The following BAZ1B variants were observed in gnomAD, a reference collection of about 807,000 sequenced individuals.
The protein encoded by BAZ1B is tyrosine-protein kinase BAZ1B.
Under a neutral mutation model 153.8 loss-of-function variants are expected in BAZ1B, and 22 were observed. That is an observed-to-expected ratio of 0.14 (90% confidence interval 0.10 to 0.20). BAZ1B has a LOEUF of 0.20. BAZ1B is among the 10% of genes least tolerant of loss of function. The pLI, the probability that BAZ1B is intolerant of heterozygous loss-of-function variation, is 1.00. For synonymous variants in BAZ1B, 676 were observed against 633.4 expected, an observed-to-expected ratio of 1.07 and a Z score of -1.01; for missense variants, 1,325 against 1,799.3, an observed-to-expected ratio of 0.74 and a Z score of 4.77.
chr7:73,462,828 G>GT (rs1422063667), intron 12 of BAZ1B, 94 bp downstream of exon 12: 5 of 1,327,492 alleles, frequency 3.8e-6, no homozygotes, highest in Non-Finnish European at 5.4e-6. Context: ...TGATTTCCAG[G>GT]AGGGTCATGT....
At chr7:73,519,168 T>C (rs1374104111) in intron 1 of BAZ1B, among the ~76,000 whole-genome samples, 2 of 152,178 alleles carry the variant, frequency 1.3e-5, no homozygotes, top group East Asian at 1.9e-4. Context: ...TCCAAGAACA[T>C]ACCAACATAC....
At chr7:73,445,120 G>A (rs1231012386) in intron 16 of BAZ1B, among the ~76,000 whole-genome samples, 1 of 152,112 alleles carries the variant, frequency 6.6e-6, no homozygotes, top group Non-Finnish European at 1.5e-5. Flanking sequence ...GCATTCCTCA[G>A]TGAGCCCTGG....
chr7:73,496,727 CT>C (rs1424294984), intron 4 of BAZ1B, among the ~76,000 whole-genome samples: 1 of 152,090 alleles, frequency 6.6e-6, no homozygotes, highest in Non-Finnish European at 1.5e-5. Context: ...AGGATTTTAC[CT>C]GCTCCCGTGT....
chr7:73,478,183 T>C lies in BAZ1B; in HGVS notation c.1278A>G (p.Lys426=). The change falls in exon 7 of 20, where the codon AAA becomes AAG. Residue 426 remains lysine (K), a synonymous_variant. Coordinates refer to ENST00000339594, the MANE Select transcript of BAZ1B (RefSeq NM_032408.4). ...KSTGNSKSPK[K]GLKTPKTKMK... is the part of the protein sequence containing the mutation. ...TTTTGGTTTTAGGAGTCTTCAGTCC[T>C]TTTTTGGGAGATTTGGAATTCCCTG... is the stretch of plus-strand genomic sequence containing the variant. 1 of 1,613,936 alleles carries C rather than the reference T, an allele frequency of 6.2e-7. No individual in the cohort carries two copies. The highest frequency in any genetic ancestry group is 8.5e-7 in the Non-Finnish European group (1 of 1,179,968).
At chr7:73,488,598 G>A (rs1789511675) in intron 6 of BAZ1B, among the ~76,000 whole-genome samples, 1 of 151,832 alleles carries the variant, frequency 6.6e-6, no homozygotes, top group African/African-American at 2.4e-5. Flanking sequence ...CAGGTGTGGT[G>A]GCACATGCCT....
At chr7:73,516,841 T>C (rs1455080915) in intron 1 of BAZ1B, among the ~76,000 whole-genome samples, 2 of 150,836 alleles carry the variant, frequency 1.3e-5, no homozygotes, top group African/African-American at 4.9e-5. Flanking sequence ...CAACGGCTAT[T>C]TTAAGTTTGT....
chr7:73,498,570 G>A lies in BAZ1B; in HGVS notation c.498C>T (p.Ser166=), dbSNP rs782532358. ...CDSPSSDKEN[S]SQIAQDHQKK... ...TCTGATGGTCCTGAGCAATCTGACT[G>A]GAGTTCTCTTTGTCACTTGATGGAG... is the stretch of plus-strand genomic sequence containing the variant. Residue 166 remains serine, a synonymous_variant, in exon 4 of 20, where the codon TCC becomes TCT. Transcript: ENST00000339594. 6.2e-7 allele frequency: 1 copy of A among 1,614,022 alleles called. No individual in the cohort carries two copies. The highest frequency in any genetic ancestry group is 8.5e-7 in the Non-Finnish European group (1 of 1,179,980).
intron 3 of BAZ1B, among the ~76,000 whole-genome samples, chr7:73,504,587 C>G (rs552699217): frequency 1.3e-5 from 2 of 152,094 alleles, no homozygotes; most frequent in South Asian, 4.2e-4. Flanking sequence ...TGGTATGAAC[C>G]CGGGAGGCGG....
intron 5 of BAZ1B, among the ~76,000 whole-genome samples, chr7:73,491,713 G>A (rs144329432): frequency 3.2e-4 from 48 of 152,216 alleles, no homozygotes; most frequent in African/African-American, 9.9e-4. Context: ...TTCTGAGGCA[G>A]GAACAAAACA....
chr7:73,462,769 T>A (rs1321141071), intron 12 of BAZ1B, 153 bp downstream of exon 12: 4 of 762,372 alleles, frequency 5.2e-6, no homozygotes, highest in Non-Finnish European at 8.6e-6. Context: ...TACATATACA[T>A]AAGGTATTTT....
chr7:73,469,538 C>G lies in BAZ1B; in HGVS notation c.2845G>C (p.Asp949His). 2 of 1,614,212 alleles carry G rather than the reference C, an allele frequency of 1.2e-6. No homozygotes were observed. The highest frequency in any genetic ancestry group is 1.7e-6 in the Non-Finnish European group (2 of 1,180,028). Reference protein sequence around the residue: ...HHCKDHTVSGDEDYCPRSKKA... With the variant: ...HHCKDHTVSGHEDYCPRSKKA... ...TCACTGCGAGGACAGTAATCCTCATCACCAGAGACTGTGTGGTCTTTGCAG... is the reference window on the plus strand; with the variant it reads ...TCACTGCGAGGACAGTAATCCTCATGACCAGAGACTGTGTGGTCTTTGCAG... Residue 949 changes from aspartate to histidine, a missense_variant, in exon 9 of 20, where the codon GAT becomes CAT. By Grantham distance (81) the Asp-to-His change is moderately conservative (BLOSUM62 -1). Coordinates refer to ENST00000339594, the MANE Select transcript of BAZ1B (RefSeq NM_032408.4).
chr7:73,488,214 T>A (rs1554574709), intron 6 of BAZ1B, among the ~76,000 whole-genome samples: 1 of 152,094 alleles, frequency 6.6e-6, no homozygotes, highest in Non-Finnish European at 1.5e-5. Flanking sequence ...GAAAGAAGCA[T>A]TAAGTACTTT....
At chr7:73,510,642 T>A in intron 2 of BAZ1B, 94 bp downstream of exon 2, 2 of 1,228,998 alleles carry the variant, frequency 1.6e-6, no homozygotes. Flanking sequence ...TTGTGCCCCA[T>A]AAACTTAAAT....
intron 12 of BAZ1B, 105 bp from the exon 13 acceptor site, chr7:73,459,823 T>C: frequency 1.0e-6 from 1 of 996,744 alleles, no homozygotes; most frequent in Non-Finnish European, 1.5e-6. Context: ...CCACATAACA[T>C]TCATTAAACA....
At chr7:73,459,770 A>C (rs1788330013) in intron 12 of BAZ1B, 52 bp from the exon 13 acceptor site, 2 of 1,475,746 alleles carry the variant, frequency 1.4e-6, no homozygotes, top group Non-Finnish European at 1.8e-6. Flanking sequence ...GAGGAAGACG[A>C]AAGGAATCCA....
chr7:73,442,718 C>T lies in BAZ1B; in HGVS notation c.4094+7G>A, dbSNP rs553146938. On this transcript the variant is annotated splice_region_variant and intron_variant, in intron 18 of 19. Coordinates refer to ENST00000339594, the MANE Select transcript of BAZ1B (RefSeq NM_032408.4). ...CTCTCCCCTGCACCTGAGAACACAG[C>T]ACTCACCTGAAGGGCCAGCTGAAGC... 6.2e-7 allele frequency: 1 copy of T among 1,612,926 alleles called. No individual in the cohort carries two copies.
At chr7:73,489,117 T>A (rs932232182) in intron 6 of BAZ1B, 77 bp downstream of exon 6, 2 of 1,426,952 alleles carry the variant, frequency 1.4e-6, no homozygotes, top group Non-Finnish European at 1.9e-6. Flanking sequence ...AAACCTGCTA[T>A]AAATATAAAT....
chr7:73,481,470 T>C (rs1789197198), intron 6 of BAZ1B, among the ~76,000 whole-genome samples: 1 of 140,692 alleles, frequency 7.1e-6, no homozygotes, highest in Non-Finnish European at 1.5e-5. Context: ...CGAGCCGAGA[T>C]GGCGCCACTG....
intron 11 of BAZ1B, 115 bp from the exon 12 acceptor site, chr7:73,463,214 C>T: frequency 6.1e-6 from 6 of 989,458 alleles, no homozygotes; most frequent in Non-Finnish European, 7.4e-6. Flanking sequence ...TCTCTTTCAC[C>T]TCTCCCTGGT....
Sources: allele counts gnomAD v4.1 joint callset (sites outside exome capture counted in the v4.1 genomes callset), GRCh38; gene constraint gnomAD v4.1.1; transcripts MANE v1.5; gene names NCBI Gene and HGNC (gene_info 2026-07-23, HGNC 2026-07-21).